The following IMMP2L variants were observed in gnomAD, a reference collection of about 807,000 sequenced individuals.
IMMP2L encodes inner mitochondrial membrane peptidase subunit 2.
IMMP2L carries 18 observed loss-of-function variants against 19.3 expected under a neutral mutation model. That is an observed-to-expected ratio of 0.93 (90% CI 0.64 to 1.38). IMMP2L has a LOEUF of 1.38. IMMP2L is among the 40% of genes most tolerant of loss of function. The pLI, the probability that IMMP2L is intolerant of heterozygous loss-of-function variation, is 0.00. For synonymous variants in IMMP2L, 76 were observed against 73.0 expected (o/e 1.04, Z -0.21); for missense variants, 233 against 218.2 (o/e 1.07, Z -0.43).
At chr7:110,904,456 T>G (rs2129547579) in intron 4 of IMMP2L, among the ~76,000 whole-genome samples, 1 of 152,316 alleles carries the variant, frequency 6.6e-6, no homozygotes, top group Admixed American at 6.5e-5. Context: ...GCCCATTCAT[T>G]ATTTTGCATG....
intron 3 of IMMP2L, among the ~76,000 whole-genome samples, chr7:111,384,120 C>A (rs1057498280): frequency 2.6e-5 from 4 of 151,162 alleles, no homozygotes; most frequent in Non-Finnish European, 4.4e-5. Flanking sequence ...CTCCAGCCCG[C>A]GTGGCAGAGT....
At chr7:111,103,560 C>T (rs1478941642) in intron 3 of IMMP2L, among the ~76,000 whole-genome samples, 1 of 151,542 alleles carries the variant, frequency 6.6e-6, no homozygotes, top group Non-Finnish European at 1.5e-5. Flanking sequence ...TTATGATAAT[C>T]AGAGCCAAAT....
At chr7:111,471,481 C>T (rs1280902963) in intron 3 of IMMP2L, among the ~76,000 whole-genome samples, 1 of 152,040 alleles carries the variant, frequency 6.6e-6, no homozygotes, top group Admixed American at 6.6e-5. Flanking sequence ...TTACTGAACA[C>T]TTGAAATGCA....
At chr7:110,680,155 A>G (rs1792607575) in intron 5 of IMMP2L, among the ~76,000 whole-genome samples, 2 of 152,224 alleles carry the variant, frequency 1.3e-5, no homozygotes, top group Admixed American at 1.3e-4. Context: ...CTAGTCACCT[A>G]ATTTATTCCA....
intron 3 of IMMP2L, among the ~76,000 whole-genome samples, chr7:111,414,152 G>T (rs1183101638): frequency 6.6e-6 from 1 of 151,756 alleles, no homozygotes; most frequent in Non-Finnish European, 1.5e-5. Context: ...GAAGCAAGAA[G>T]AGAATAAAGT....
At chr7:111,387,013 C>T (rs1831826925) in intron 3 of IMMP2L, among the ~76,000 whole-genome samples, 1 of 152,180 alleles carries the variant, frequency 6.6e-6, no homozygotes, top group South Asian at 2.1e-4. Flanking sequence ...TCTTATATCA[C>T]ATAGCACTTA....
chr7:111,436,477 C>G (rs1837175426), intron 3 of IMMP2L, among the ~76,000 whole-genome samples: 1 of 151,618 alleles, frequency 6.6e-6, no homozygotes. Flanking sequence ...TTAAGTAAGA[C>G]AGTACGGACT....
In IMMP2L at chr7:111,397,728, G is replaced by A. The variant is rs146918637; in HGVS notation, c.239+89510C>T. Among the ~76,000 whole-genome samples the A allele has an allele frequency of 6.2e-4, 94 of 151,674 alleles. 2 individuals are homozygous for A. Among genetic ancestry groups the A allele is most frequent in the African/African-American group, 2.1e-3 (85 of 41,358 alleles). On this transcript the variant is annotated intron_variant, in intron 3 of 5. Transcript: ENST00000405709. ...TCATGACCTTTGCCTATTATCCTTC[G>A]GATGTATTTGCTTTTTATTACTATT...
intron 3 of IMMP2L, among the ~76,000 whole-genome samples, chr7:111,332,318 A>G (rs1437521480): frequency 1.3e-5 from 2 of 151,976 alleles, no homozygotes; most frequent in East Asian, 3.8e-4. Flanking sequence ...TATTTATAAT[A>G]TGACAAAATT....
intron 3 of IMMP2L, among the ~76,000 whole-genome samples, chr7:110,969,173 A>T (rs2129556319): frequency 6.6e-6 from 1 of 152,226 alleles, no homozygotes; most frequent in African/African-American, 2.4e-5. Flanking sequence ...AAAACGAATA[A>T]TTTTTAGTTT....
chr7:111,128,242 T>A (rs1179848131), intron 3 of IMMP2L, among the ~76,000 whole-genome samples: 3 of 152,190 alleles, frequency 2.0e-5, no homozygotes, highest in Non-Finnish European at 4.4e-5. Flanking sequence ...ATAGGACAAA[T>A]TTTCGACCAT....
intron 3 of IMMP2L, among the ~76,000 whole-genome samples, chr7:111,114,961 T>A (rs1799698782): frequency 6.6e-6 from 1 of 152,138 alleles, no homozygotes; most frequent in Admixed American, 6.5e-5. Context: ...CAGACAGGCA[T>A]CACCCAAATA....
chr7:111,511,218 G>A (rs913364677), intron 2 of IMMP2L, among the ~76,000 whole-genome samples: 2 of 152,088 alleles, frequency 1.3e-5, no homozygotes, highest in African/African-American at 4.8e-5. Context: ...GTGGAAAGAA[G>A]ATAAACTAGA....
chr7:111,440,477 A>T (rs1017705308), intron 3 of IMMP2L, among the ~76,000 whole-genome samples: 3 of 151,886 alleles, frequency 2.0e-5, no homozygotes, highest in Admixed American at 6.6e-5. Context: ...GAGCAGTAAT[A>T]TTTTGGAAGG....
In IMMP2L at chr7:111,195,497, C is replaced by A. The variant is rs146074355; in HGVS notation, c.240-231932G>T. 1.8e-3 allele frequency among the ~76,000 whole-genome samples: 281 copies of A among 152,200 alleles called. 4 individuals are homozygous for A. Among genetic ancestry groups the A allele is most frequent in the African/African-American group, 6.6e-3 (274 of 41,522 alleles). On this transcript the variant is annotated intron_variant, in intron 3 of 5. Coordinates refer to ENST00000405709, the MANE Select transcript of IMMP2L (RefSeq NM_032549.4). ...GAAGTCAAAGTAAAGTGCAAAATTT[C>A]AATCATGTCTCTTTATCAATTGCCA...
intron 3 of IMMP2L, among the ~76,000 whole-genome samples, chr7:111,303,310 T>A (rs1230421048): frequency 3.3e-5 from 5 of 152,084 alleles, no homozygotes; most frequent in Non-Finnish European, 7.4e-5. Context: ...TATGAATATG[T>A]TCTCACTCTT....
chr7:111,053,158 C>T (rs1350684020), intron 3 of IMMP2L, among the ~76,000 whole-genome samples: 11 of 152,188 alleles, frequency 7.2e-5, no homozygotes, highest in African/African-American at 2.4e-4. Context: ...AAGGAAAGTA[C>T]ACTTGGAAGA....
chr7:111,263,016 G>A (rs1433721555), intron 3 of IMMP2L, among the ~76,000 whole-genome samples: 2 of 152,084 alleles, frequency 1.3e-5, no homozygotes, highest in Non-Finnish European at 1.5e-5. Context: ...TTGTGAATGG[G>A]AGGAGAATCA....
intron 3 of IMMP2L, among the ~76,000 whole-genome samples, chr7:111,450,486 TG>T (rs1411347300): frequency 6.6e-6 from 1 of 151,728 alleles, no homozygotes; most frequent in African/African-American, 2.4e-5. Flanking sequence ...TAAACGGTGC[TG>T]GGAAAACTGG....
Sources: allele counts gnomAD v4.1 joint callset (sites outside exome capture counted in the v4.1 genomes callset), GRCh38; gene constraint gnomAD v4.1.1; transcripts MANE v1.5; gene names NCBI Gene and HGNC (gene_info 2026-07-23, HGNC 2026-07-21).